ALCAM: variants seen among roughly 807,000 people sequenced by gnomAD.
The protein encoded by ALCAM is activated leukocyte cell adhesion molecule.
In ALCAM, 30 loss-of-function variants were observed where a neutral mutation model predicts 70.9. That is an observed-to-expected ratio of 0.42 (90% CI 0.32 to 0.57). The LOEUF is 0.57. ALCAM is among the 20% of genes least tolerant of loss of function. The pLI is 0.11. For synonymous variants in ALCAM, 249 were observed against 242.5 expected, an observed-to-expected ratio of 1.03 and a Z score of -0.25; for missense variants, 591 against 695.1, an observed-to-expected ratio of 0.85 and a Z score of 1.68.
At position 105,444,481 on chromosome 3, in the gene ALCAM, C is replaced by T. The variant is rs555771299; in HGVS notation, c.74-75586C>T. On this transcript the variant is annotated intron_variant, in intron 1 of 15. Coordinates refer to ENST00000306107, the MANE Select transcript of ALCAM (RefSeq NM_001627.4). ...TACAATCACTGCCCACTTGGTCCCT[C>T]CCTCTACACATGGGGATTATGGGGA... is the stretch of plus-strand genomic sequence containing the variant. Among the ~76,000 whole-genome samples the T allele has an allele frequency of 2.1e-5, 3 of 144,436 alleles. No individual in the cohort carries two copies. The South Asian group carries it at 6.7e-4, about 32-fold the overall frequency. 94.8% of individuals were successfully genotyped at this position (144,436 alleles called of 152,430 possible). A position where few individuals can be genotyped will look rare whatever the true frequency, so the allele number is the denominator to read the frequency against.
At chr3:105,416,091 T>C (rs1044584326) in intron 1 of ALCAM, among the ~76,000 whole-genome samples, 1 of 152,052 alleles carries the variant, frequency 6.6e-6, no homozygotes, top group African/African-American at 2.4e-5. Context: ...AGCTTCTATC[T>C]GGCTCCTGAT....
intron 1 of ALCAM, among the ~76,000 whole-genome samples, chr3:105,400,560 A>C (rs1470761644): frequency 3.3e-5 from 5 of 152,194 alleles, no homozygotes; most frequent in African/African-American, 1.2e-4. Context: ...ATACAGTAAT[A>C]ATAAGAATTT....
chr3:105,390,411 T>A (rs1288538111), intron 1 of ALCAM, among the ~76,000 whole-genome samples: 1 of 152,076 alleles, frequency 6.6e-6, no homozygotes, highest in Admixed American at 6.6e-5. Context: ...GAGAACTATC[T>A]CTTCATATCC....
At chr3:105,494,988 C>A (rs1938696576) in intron 1 of ALCAM, among the ~76,000 whole-genome samples, 2 of 152,056 alleles carry the variant, frequency 1.3e-5, no homozygotes, top group Non-Finnish European at 2.9e-5. Context: ...TCTTATGATG[C>A]CCCCATTTAT....
intron 1 of ALCAM, among the ~76,000 whole-genome samples, chr3:105,382,332 T>C (rs1444098982): frequency 1.3e-5 from 2 of 152,058 alleles, no homozygotes; most frequent in African/African-American, 4.8e-5. Flanking sequence ...CTTAATCCAG[T>C]CTATCATTGT....
At chr3:105,546,120 C>T (rs1940241288) in intron 9 of ALCAM, among the ~76,000 whole-genome samples, 1 of 151,310 alleles carries the variant, frequency 6.6e-6, no homozygotes, top group Non-Finnish European at 1.5e-5. Context: ...TGATTGCGAT[C>T]CCTCCACTTA....
At chr3:105,456,710 T>C (rs1937539409) in intron 1 of ALCAM, among the ~76,000 whole-genome samples, 1 of 152,152 alleles carries the variant, frequency 6.6e-6, no homozygotes, top group Admixed American at 6.5e-5. Context: ...AAGCCCAAAA[T>C]GGCATGATTA....
rs773525641 is a variant in ALCAM, at chr3:105,545,324, G to T, written c.1093G>T (p.Val365Leu). The T allele has an allele frequency of 1.2e-6, 2 of 1,606,390 alleles. No homozygotes were observed. Among genetic ancestry groups the T allele is most frequent in the East Asian group, 2.2e-5 (1 of 44,694 alleles). ...TISASRNATV[V>L]WMKDNIRLRS... Reference sequence around the variant, plus strand: ...ATCTGCTAGCAGGAATGCAACTGTGGTATGGATGAAAGTAAGTAATATTTT... The same window carrying T: ...ATCTGCTAGCAGGAATGCAACTGTGTTATGGATGAAAGTAAGTAATATTTT... Residue 365 changes from valine (V) to leucine (L), a missense_variant, in exon 9 of 16, where the codon GTA (valine) becomes TTA (leucine). Coordinates refer to ENST00000306107, the MANE Select transcript of ALCAM (RefSeq NM_001627.4).
At chr3:105,533,507 C>A in intron 4 of ALCAM, 96 bp from the exon 5 acceptor site, 1 of 978,400 alleles carries the variant, frequency 1.0e-6, no homozygotes. Flanking sequence ...GTCAAGAAAC[C>A]CTTGGAATAA....
chr3:105,452,015 A>G lies in ALCAM; in HGVS notation c.74-68052A>G, dbSNP rs1168403033. Among the ~76,000 whole-genome samples, 3 of 151,836 alleles carry G rather than the reference A, an allele frequency of 2.0e-5. No homozygotes were observed. In the East Asian group the frequency reaches 5.8e-4, roughly 29 times the overall value. ...CTGCCTCTGGTTTGTGGCTTTACTC[A>G]TATTCTCAATTTTACCTTCACAGTT... On this transcript the variant is annotated intron_variant, in intron 1 of 15. Transcript: ENST00000306107.
At chr3:105,564,355 T>A (rs6807481) in intron 14 of ALCAM, among the ~76,000 whole-genome samples, 1 of 152,192 alleles carries the variant, frequency 6.6e-6, no homozygotes, top group African/African-American at 2.4e-5. Flanking sequence ...CAACACACTG[T>A]CATTATTTTA....
chr3:105,466,892 GT>G (rs1169752025), intron 1 of ALCAM, among the ~76,000 whole-genome samples: 2 of 151,272 alleles, frequency 1.3e-5, no homozygotes, highest in Non-Finnish European at 3.0e-5. Context: ...CTCACACAGG[GT>G]GAGCAGACTC....
chr3:105,420,141 G>A (rs1174844792), intron 1 of ALCAM, among the ~76,000 whole-genome samples: 1 of 151,622 alleles, frequency 6.6e-6, no homozygotes, highest in Non-Finnish European at 1.5e-5. Context: ...CTAAAAGGTA[G>A]TATTTCAATT....
intron 3 of ALCAM, 102 bp downstream of exon 3, chr3:105,524,610 C>T (rs1939648750): frequency 3.9e-6 from 6 of 1,529,418 alleles, no homozygotes; most frequent in East Asian, 2.3e-5. Flanking sequence ...GTCTCTATAG[C>T]AGGTATCTAT....
At chr3:105,385,284 A>T (rs1257459207) in intron 1 of ALCAM, among the ~76,000 whole-genome samples, 1 of 151,588 alleles carries the variant, frequency 6.6e-6, no homozygotes, top group African/African-American at 2.4e-5. Flanking sequence ...GTTTTATAGT[A>T]AAAGATGTGA....
chr3:105,375,629 A>G (rs1364615164), intron 1 of ALCAM, among the ~76,000 whole-genome samples: 1 of 152,206 alleles, frequency 6.6e-6, no homozygotes, highest in African/African-American at 2.4e-5. Context: ...TGGGAGCTAC[A>G]CTTAGCTACG....
At chr3:105,553,962 C>G (rs1559654776) in intron 14 of ALCAM, among the ~76,000 whole-genome samples, 1 of 151,856 alleles carries the variant, frequency 6.6e-6, no homozygotes, top group Admixed American at 6.6e-5. Flanking sequence ...GTCACTGATG[C>G]ACACGATGTC....
intron 8 of ALCAM, among the ~76,000 whole-genome samples, chr3:105,543,129 G>C (rs1940163747): frequency 6.6e-6 from 1 of 151,640 alleles, no homozygotes; most frequent in Non-Finnish European, 1.5e-5. Context: ...ATTTTTAAGA[G>C]ATGCAAGGTA....
At chr3:105,539,275 AT>A (rs1481022545) in intron 6 of ALCAM, among the ~76,000 whole-genome samples, 1 of 152,108 alleles carries the variant, frequency 6.6e-6, no homozygotes, top group African/African-American at 2.4e-5. Context: ...TGTATCCAGC[AT>A]TTAATTTCAT....
Sources: allele counts gnomAD v4.1 joint callset (sites outside exome capture counted in the v4.1 genomes callset), GRCh38; gene constraint gnomAD v4.1.1; transcripts MANE v1.5; gene names NCBI Gene and HGNC (gene_info 2026-07-23, HGNC 2026-07-21).